FOXJ3: variants seen among roughly 807,000 people sequenced by gnomAD.
FOXJ3 encodes forkhead box protein J3.
FOXJ3 carries 22 observed loss-of-function variants against 76.1 expected under a neutral mutation model. That is an observed-to-expected ratio of 0.29 (90% CI 0.21 to 0.41). FOXJ3 has a LOEUF of 0.41. FOXJ3 is among the 10% of genes least tolerant of loss of function. The pLI, the probability that FOXJ3 is intolerant of heterozygous loss-of-function variation, is 1.00. For missense variants in FOXJ3, 613 were observed against 762.1 expected (o/e 0.80, Z 2.30); for synonymous variants, 269 against 261.2 (o/e 1.03, Z -0.29).
At chr1:42,222,005 AGGAGGAGAAGGAGAAGGGGGAGGGGG>A (rs1647204964) in intron 5 of FOXJ3, among the ~76,000 whole-genome samples, 1 of 4,588 alleles carries the variant, frequency 2.2e-4, no homozygotes, top group Non-Finnish European at 5.6e-4. Context: ...GAGGGGGAGG[AGGAGGAGAAGGAGAAGGGGGAGGGGG>A]AGGAGAAGGA....
chr1:42,293,850 G>A (rs1653602951), intron 2 of FOXJ3, among the ~76,000 whole-genome samples: 2 of 145,154 alleles, frequency 1.4e-5, no homozygotes, highest in Non-Finnish European at 2.9e-5. Flanking sequence ...TAATAAAACT[G>A]TGAAGAAATG....
At chr1:42,206,086 ACT>A (rs1646855934) in intron 5 of FOXJ3, 1 of 457,322 alleles carries the variant, frequency 2.2e-6, no homozygotes, top group African/African-American at 2.0e-5. Context: ...CTCTTAATTT[ACT>A]GCAGGATAGG....
chr1:42,318,779 T>C (rs756739365), intron 1 of FOXJ3, among the ~76,000 whole-genome samples: 5 of 152,156 alleles, frequency 3.3e-5, no homozygotes, highest in African/African-American at 7.2e-5. Context: ...AAGTGTAAAA[T>C]AGTGTTGCTA....
intron 2 of FOXJ3, among the ~76,000 whole-genome samples, chr1:42,294,023 G>A (rs1039402902): frequency 2.0e-5 from 3 of 152,074 alleles, no homozygotes; most frequent in Non-Finnish European, 4.4e-5. Context: ...TAGTAAGGAC[G>A]TAAGTATTCA....
chr1:42,278,638 T>C lies in FOXJ3; in HGVS notation c.79A>G (p.Met27Val), dbSNP rs1286073920. Reference protein sequence around the residue: ...TSELESSLTSMDWLPQLTMRA... With the variant: ...TSELESSLTSVDWLPQLTMRA... ...ATGGTGAGCTGTGGTAACCAGTCCA[T>C]AGACGTTAGGCTGCTCTCCAGTTCA... The change falls in exon 3 of 13, where the codon ATG (methionine) becomes GTG (valine). Residue 27 changes from methionine to valine, a missense_variant. Transcript: ENST00000361346. 5 of 1,614,102 alleles carry C rather than the reference T, an allele frequency of 3.1e-6. No homozygotes were observed. Among genetic ancestry groups the C allele is most frequent in the East Asian group, 2.2e-5 (1 of 44,876 alleles).
intron 4 of FOXJ3, among the ~76,000 whole-genome samples, chr1:42,250,098 T>C (rs1210547870): frequency 6.6e-6 from 1 of 152,224 alleles, no homozygotes; most frequent in African/African-American, 2.4e-5. Context: ...TTTACTCATG[T>C]GCCATAACTT....
At chr1:42,315,952 C>T (rs1195687699) in intron 1 of FOXJ3, among the ~76,000 whole-genome samples, 2 of 152,162 alleles carry the variant, frequency 1.3e-5, no homozygotes, top group Non-Finnish European at 2.9e-5. Context: ...AATGAGTATG[C>T]TGCAATACAA....
At chr1:42,245,549 A>C (rs1649484205) in intron 4 of FOXJ3, among the ~76,000 whole-genome samples, 1 of 152,214 alleles carries the variant, frequency 6.6e-6, no homozygotes, top group Admixed American at 6.5e-5. Context: ...ACATCACATC[A>C]ACAGAATGAA....
chr1:42,300,411 C>T (rs1344174007), intron 2 of FOXJ3, among the ~76,000 whole-genome samples: 1 of 152,152 alleles, frequency 6.6e-6, no homozygotes, highest in East Asian at 1.9e-4. Context: ...ATTCCCTTCA[C>T]ACTTGTTTGT....
At chr1:42,249,056 T>C (rs1649802169) in intron 4 of FOXJ3, among the ~76,000 whole-genome samples, 1 of 152,146 alleles carries the variant, frequency 6.6e-6, no homozygotes. Flanking sequence ...TCCGGCTTCA[T>C]CCATGTCCCT....
At chr1:42,188,195 G>C (rs552133544) in intron 11 of FOXJ3, among the ~76,000 whole-genome samples, 1 of 152,304 alleles carries the variant, frequency 6.6e-6, no homozygotes. Context: ...TGTGCAATCA[G>C]AGTAGAAGAC....
intron 5 of FOXJ3, among the ~76,000 whole-genome samples, chr1:42,218,374 T>C (rs549836478): frequency 6.6e-6 from 1 of 152,354 alleles, no homozygotes; most frequent in South Asian, 2.1e-4. Flanking sequence ...TTACTGATTA[T>C]ACTTGTAATC....
At chr1:42,329,830 C>A (rs1430788920) in intron 1 of FOXJ3, among the ~76,000 whole-genome samples, 2 of 152,222 alleles carry the variant, frequency 1.3e-5, no homozygotes, top group African/African-American at 4.8e-5. Context: ...CAACTACATT[C>A]AAAATCAAAT....
At chr1:42,240,696 C>A (rs904519728) in intron 4 of FOXJ3, among the ~76,000 whole-genome samples, 1 of 151,986 alleles carries the variant, frequency 6.6e-6, no homozygotes, top group African/African-American at 2.4e-5. Context: ...TCACACCACA[C>A]GTAAAAAATA....
chr1:42,205,933 A>T (rs1646852963), intron 5 of FOXJ3, 70 bp from the exon 6 acceptor site: 2 of 818,726 alleles, frequency 2.4e-6, no homozygotes. Context: ...GTTTGAAGGG[A>T]TCTCATCAAA....
At chr1:42,226,989 A>G (rs1308764044) in intron 5 of FOXJ3, among the ~76,000 whole-genome samples, 1 of 152,230 alleles carries the variant, frequency 6.6e-6, no homozygotes, top group East Asian at 1.9e-4. Flanking sequence ...AACATTTACT[A>G]GTATCTATTA....
At position 42,176,636 on chromosome 1, in the gene FOXJ3, T is replaced by C. The variant is rs150063908; in HGVS notation, c.*3074A>G. ...TCCTAATGACACTTGGAATATTTCT[T>C]TACAGCACTAAACAGTTACAAATAA... On this transcript the variant is annotated 3_prime_UTR_variant, in exon 13 of 13. Coordinates refer to ENST00000361346, the MANE Select transcript of FOXJ3 (RefSeq NM_014947.5). The C allele has an allele frequency of 5.2e-4, 79 of 152,786 alleles. No individual in the cohort carries two copies. The highest frequency in any genetic ancestry group is 1.8e-3 in the African/African-American group (75 of 41,582). The allele number at this position is 152,786 out of a possible 1,614,324, so 9.5% of individuals were successfully genotyped here.
At position 42,191,495 on chromosome 1, in the gene FOXJ3, G is replaced by A; in HGVS notation, c.1159C>T (p.Pro387Ser). ...TQPSPHPPHR[P>S]HGLPQHPQRS... ...TGCGGATGCTGCGGTAAACCATGCG[G>A]TCGATGGGGAGGATGTGGAGATGGC... The change falls in exon 9 of 13, where the codon CCG becomes TCG. Residue 387 changes from proline (P) to serine (S), a missense_variant. Coordinates refer to ENST00000361346, the MANE Select transcript of FOXJ3 (RefSeq NM_014947.5). The A allele has an allele frequency of 6.2e-7, 1 of 1,614,012 alleles. No individual in the cohort carries two copies. The highest frequency in any genetic ancestry group is 1.1e-5 in the South Asian group (1 of 91,070).
At chr1:42,248,672 C>A (rs1268612728) in intron 4 of FOXJ3, among the ~76,000 whole-genome samples, 2 of 150,558 alleles carry the variant, frequency 1.3e-5, no homozygotes, top group Non-Finnish European at 2.9e-5. Context: ...CAAAAGTCAC[C>A]TTTCACAAAG....
Sources: gnomAD v4.1 joint callset for allele counts (sites outside exome capture counted in the v4.1 genomes callset) on GRCh38, gnomAD v4.1.1 for gene constraint, MANE v1.5 for transcripts, NCBI Gene and HGNC (gene_info 2026-07-23, HGNC 2026-07-21) for gene names.